MAP3K13: variants seen among roughly 807,000 people sequenced by gnomAD.
The protein encoded by MAP3K13 is leucine zipper-bearing kinase.
MAP3K13 carries 52 observed loss-of-function variants against 104.0 expected under a neutral mutation model. That is an observed-to-expected ratio of 0.50 (90% CI 0.40 to 0.63). MAP3K13 has a LOEUF of 0.63. Among genes scored for constraint, MAP3K13 ranks in the 20% least tolerant of loss-of-function variants. The pLI is 0.00. For missense variants in MAP3K13, 914 were observed against 1,218.5 expected (o/e 0.75, Z 3.72); for synonymous variants, 394 against 442.2 (o/e 0.89, Z 1.37).
At chr3:185,331,387 G>A (rs181441205) in intron 2 of MAP3K13, among the ~76,000 whole-genome samples, 12 of 151,958 alleles carry the variant, frequency 7.9e-5, no homozygotes, top group African/African-American at 2.2e-4. Context: ...GAACCACTGC[G>A]CCTGGCCTTT....
At chr3:185,391,662 C>A (rs1712059381) in intron 1 of MAP3K13, among the ~76,000 whole-genome samples, 1 of 152,124 alleles carries the variant, frequency 6.6e-6, no homozygotes, top group Non-Finnish European at 1.5e-5. Flanking sequence ...AATGGTTGAG[C>A]AACAGCTGGA....
intron 2 of MAP3K13, among the ~76,000 whole-genome samples, chr3:185,311,381 T>G (rs1721490354): frequency 6.6e-6 from 1 of 152,172 alleles, no homozygotes; most frequent in Non-Finnish European, 1.5e-5. Flanking sequence ...TAAGAGATTA[T>G]TCACTATCAT....
chr3:185,466,391 T>G lies in MAP3K13; in HGVS notation c.1506-435T>G, dbSNP rs572599842. Among the ~76,000 whole-genome samples, 21 of 147,548 alleles carry G rather than the reference T, an allele frequency of 1.4e-4. No individual in the cohort carries two copies. In the South Asian group the frequency reaches 4.4e-3, roughly 31 times the overall value. Reference sequence around the variant, plus strand: ...TTCCTTTTTTTTTTTTTTTTTTTTTTTGTGAGATGGAGTCTTGCTCTGTCA... The same window carrying G: ...TTCCTTTTTTTTTTTTTTTTTTTTTGTGTGAGATGGAGTCTTGCTCTGTCA... On this transcript the variant is annotated intron_variant, in intron 9 of 13. Coordinates refer to ENST00000265026, the MANE Select transcript of MAP3K13 (RefSeq NM_004721.5).
chr3:185,300,276 G>A (rs1226739692), intron 2 of MAP3K13, among the ~76,000 whole-genome samples: 19 of 139,142 alleles, frequency 1.4e-4, no homozygotes, highest in Non-Finnish European at 2.1e-4. Context: ...TGCAACCTCC[G>A]CCTCCCCGGT....
At chr3:185,287,825 CG>C (rs1324635786) in intron 2 of MAP3K13, among the ~76,000 whole-genome samples, 1 of 152,060 alleles carries the variant, frequency 6.6e-6, no homozygotes, top group Non-Finnish European at 1.5e-5. Flanking sequence ...CACCTGAGGT[CG>C]GGAGTTCGAG....
chr3:185,403,445 T>C (rs180733234), intron 1 of MAP3K13, among the ~76,000 whole-genome samples: 1 of 152,246 alleles, frequency 6.6e-6, no homozygotes, highest in Admixed American at 6.5e-5. Flanking sequence ...TTTATGGCTA[T>C]AGTAAATGCT....
chr3:185,456,720 G>C (rs971532698), intron 7 of MAP3K13, among the ~76,000 whole-genome samples: 2 of 148,826 alleles, frequency 1.3e-5, no homozygotes, highest in African/African-American at 4.9e-5. Flanking sequence ...TCCTGTCTCA[G>C]CTTCCCGAGT....
Position 185,418,331 on chromosome 3 carries a change from G to A in MAP3K13, c.-85-10166G>A. 1 of 1,586,992 alleles carries A rather than the reference G, an allele frequency of 6.3e-7. No individual in the cohort carries two copies. Among genetic ancestry groups the A allele is most frequent in the Non-Finnish European group, 8.6e-7 (1 of 1,157,140 alleles). On this transcript the variant is annotated intron_variant, in intron 1 of 13. Coordinates refer to ENST00000265026, the MANE Select transcript of MAP3K13 (RefSeq NM_004721.5). The surrounding 1 kb of genome is among the most constrained non-coding windows in gnomAD (Gnocchi z 4.5). ...ACTTTATCTTCAAATACCAAAGGAAGTTCAGGAACTTCCTCAATACGATGA... is the reference window on the plus strand; with the variant it reads ...ACTTTATCTTCAAATACCAAAGGAAATTCAGGAACTTCCTCAATACGATGA...
intron 1 of MAP3K13, among the ~76,000 whole-genome samples, chr3:185,365,451 A>G (rs1274481533): frequency 2.0e-5 from 3 of 152,208 alleles, no homozygotes; most frequent in Non-Finnish European, 4.4e-5. Flanking sequence ...ATCCACTGGT[A>G]GATGACAGAA....
chr3:185,379,412 G>A (rs1724596116), intron 1 of MAP3K13, among the ~76,000 whole-genome samples: 1 of 152,168 alleles, frequency 6.6e-6, no homozygotes, highest in Non-Finnish European at 1.5e-5. Context: ...AAGAGGTTGA[G>A]GGATAGTGAG....
intron 7 of MAP3K13, among the ~76,000 whole-genome samples, chr3:185,452,704 C>G (rs979611381): frequency 6.6e-5 from 10 of 152,192 alleles, no homozygotes; most frequent in Admixed American, 3.3e-4. Context: ...CTAGGACGGT[C>G]TCATTCACGC....
intron 5 of MAP3K13, among the ~76,000 whole-genome samples, chr3:185,449,327 C>T (rs886917185): frequency 1.4e-5 from 2 of 146,110 alleles, no homozygotes; most frequent in African/African-American, 2.5e-5. Context: ...GAGCCAAGAT[C>T]GCACCACTGC....
rs1713901708 is a variant in MAP3K13, at chr3:185,418,168, C to T, written c.-85-10329C>T. The stretch of plus-strand genomic sequence containing the variant: ...ATTATAGATGATGCACAGGCCCCTG[C>T]GCTGGATACGGCGACGGTTTCTCAT... On this transcript the variant is annotated intron_variant, in intron 1 of 13. Transcript: ENST00000265026. The surrounding 1 kb of genome is among the most constrained non-coding windows in gnomAD (Gnocchi z 4.5). 9 of 1,609,970 alleles carry T rather than the reference C, an allele frequency of 5.6e-6. No homozygotes were observed. Among genetic ancestry groups the T allele is most frequent in the Non-Finnish European group, 6.8e-6 (8 of 1,177,744 alleles).
At chr3:185,474,834 T>C (rs1365293336) in intron 11 of MAP3K13, among the ~76,000 whole-genome samples, 1 of 152,124 alleles carries the variant, frequency 6.6e-6, no homozygotes, top group Non-Finnish European at 1.5e-5. Flanking sequence ...CGGTGGCTCA[T>C]GCTTGTAATG....
upstream of MAP3K13, among the ~76,000 whole-genome samples, chr3:185,359,355 TG>T (rs1194249498): frequency 2.0e-5 from 3 of 152,252 alleles, no homozygotes; most frequent in Non-Finnish European, 2.9e-5. Flanking sequence ...ATGGGGATTA[TG>T]GGATTACAAT....
intron 1 of MAP3K13, among the ~76,000 whole-genome samples, chr3:185,407,636 C>CAG (rs1004488490): frequency 1.5e-4 from 23 of 152,254 alleles, no homozygotes; most frequent in African/African-American, 5.5e-4. Flanking sequence ...ACTTTAGCTT[C>CAG]AGAGTGCGTT....
chr3:185,450,725 A>G lies in MAP3K13; in HGVS notation c.1170-562A>G, dbSNP rs1053377310. Among the ~76,000 whole-genome samples, 7 of 151,896 alleles carry G rather than the reference A, an allele frequency of 4.6e-5. No individual in the cohort carries two copies. Among genetic ancestry groups the G allele is most frequent in the African/African-American group, 1.7e-4 (7 of 41,358 alleles). Reference sequence around the variant, plus strand: ...CGAGGTAGGAGGATCACTTGAACCCATGAGTCTGAGATCAGCTTAGGCAAC... The same window carrying G: ...CGAGGTAGGAGGATCACTTGAACCCGTGAGTCTGAGATCAGCTTAGGCAAC... On this transcript the variant is annotated intron_variant, in intron 6 of 13. Transcript: ENST00000265026. This position sits in a 1 kb window ranked among gnomAD's most constrained non-coding sequence, Gnocchi z 4.2.
intron 11 of MAP3K13, 65 bp from the exon 12 acceptor site, chr3:185,477,261 G>C (rs757196260): frequency 1.2e-4 from 116 of 998,508 alleles, no homozygotes; most frequent in Middle Eastern, 2.0e-4. Flanking sequence ...CAGTTAGTGG[G>C]GATGGGGTGA....
chr3:185,392,856 C>G (rs1418749191), intron 1 of MAP3K13, among the ~76,000 whole-genome samples: 1 of 152,028 alleles, frequency 6.6e-6, no homozygotes, highest in Non-Finnish European at 1.5e-5. Context: ...CGAGACCACC[C>G]TGGCCAACAT....
Sources: allele counts gnomAD v4.1 joint callset (sites outside exome capture counted in the v4.1 genomes callset), GRCh38; gene constraint gnomAD v4.1.1; non-coding constraint Gnocchi (gnomAD v3.1); transcripts MANE v1.5; gene names NCBI Gene and HGNC (gene_info 2026-07-23, HGNC 2026-07-21).